Variants in ADAMTS12 observed in about 807,000 individuals in gnomAD.
ADAMTS12 encodes the protein ADAM metallopeptidase with thrombospondin type 1 motif 12, also known as A disintegrin and metalloproteinase with thrombospondin motifs 12.
Under a neutral mutation model 167.8 loss-of-function variants are expected in ADAMTS12, and 118 were observed. The ratio of observed to expected loss-of-function variants is 0.70; its 90% CI spans 0.61 to 0.82. The LOEUF (loss-of-function observed/expected upper bound fraction) is 0.82. ADAMTS12 is among the 40% of genes least tolerant of loss of function. ADAMTS12 has a pLI of 0.00. For synonymous variants in ADAMTS12, 704 were observed against 716.9 expected (o/e 0.98, Z 0.29); for missense variants, 1,916 against 1,998.8 (o/e 0.96, Z 0.79).
intron 2 of ADAMTS12, among the ~76,000 whole-genome samples, chr5:33,780,348 G>T (rs1746080562): frequency 6.7e-6 from 1 of 149,004 alleles, no homozygotes; most frequent in South Asian, 2.1e-4. Flanking sequence ...AGTCATGAAA[G>T]ACTTTTTTTT....
chr5:33,781,349 T>C (rs1328854801), intron 2 of ADAMTS12, among the ~76,000 whole-genome samples: 19 of 152,150 alleles, frequency 1.2e-4, no homozygotes, highest in Admixed American at 1.2e-3. Flanking sequence ...TCTAACTTAG[T>C]CCTTCTCACA....
intron 18 of ADAMTS12, among the ~76,000 whole-genome samples, chr5:33,586,124 C>T (rs185883526): frequency 1.5e-4 from 23 of 152,270 alleles, no homozygotes; most frequent in Middle Eastern, 3.4e-3. Context: ...CAAATGATGG[C>T]TGGAGCACTA....
chr5:33,878,141 A>C (rs904174819), intron 2 of ADAMTS12, among the ~76,000 whole-genome samples: 2 of 152,218 alleles, frequency 1.3e-5, no homozygotes, highest in Non-Finnish European at 2.9e-5. Context: ...GAAGTCAGGT[A>C]CAAGTCCAAC....
At chr5:33,564,002 T>C (rs756150095) in intron 19 of ADAMTS12, among the ~76,000 whole-genome samples, 4 of 152,260 alleles carry the variant, frequency 2.6e-5, no homozygotes, top group Non-Finnish European at 5.9e-5. Context: ...GGTTTACACC[T>C]ACTTACAGTG....
chr5:33,559,518 C>A (rs1017201254), intron 20 of ADAMTS12, among the ~76,000 whole-genome samples: 8 of 152,186 alleles, frequency 5.3e-5, no homozygotes, highest in African/African-American at 1.9e-4. Flanking sequence ...TCACAAGGAA[C>A]TATGGAGACA....
intron 2 of ADAMTS12, among the ~76,000 whole-genome samples, chr5:33,764,248 C>A (rs1745455141): frequency 1.3e-5 from 2 of 152,182 alleles, no homozygotes. Flanking sequence ...CCCTTTATGG[C>A]ATGATGAAAA....
At chr5:33,709,771 G>T (rs1743328586) in intron 3 of ADAMTS12, among the ~76,000 whole-genome samples, 1 of 152,062 alleles carries the variant, frequency 6.6e-6, no homozygotes, top group African/African-American at 2.4e-5. Context: ...TTAATACCTA[G>T]GTGATGGGTT....
chr5:33,556,309 C>T (rs1404514640), intron 20 of ADAMTS12, among the ~76,000 whole-genome samples: 1 of 152,282 alleles, frequency 6.6e-6, no homozygotes, highest in East Asian at 1.9e-4. Flanking sequence ...TTCAATACTG[C>T]ATAATTGCAT....
At chr5:33,821,854 G>A (rs1163719207) in intron 2 of ADAMTS12, among the ~76,000 whole-genome samples, 1 of 151,996 alleles carries the variant, frequency 6.6e-6, no homozygotes, top group African/African-American at 2.4e-5. Flanking sequence ...GTATAATAAT[G>A]TTTCTCTGCC....
At chr5:33,786,223 T>C (rs1483768407) in intron 2 of ADAMTS12, among the ~76,000 whole-genome samples, 4 of 152,212 alleles carry the variant, frequency 2.6e-5, no homozygotes, top group African/African-American at 9.6e-5. Flanking sequence ...TTTAAAAGTG[T>C]ATTGTGATGA....
intron 2 of ADAMTS12, among the ~76,000 whole-genome samples, chr5:33,865,035 T>A (rs766059504): frequency 6.6e-6 from 1 of 151,970 alleles, no homozygotes; most frequent in Non-Finnish European, 1.5e-5. Flanking sequence ...CTTAATTCTA[T>A]AAGACATTCA....
chr5:33,592,416 T>C (rs1747690595), intron 17 of ADAMTS12, among the ~76,000 whole-genome samples: 1 of 152,204 alleles, frequency 6.6e-6, no homozygotes, highest in African/African-American at 2.4e-5. Context: ...TGTCAGAGGT[T>C]TATTGAGTAC....
intron 3 of ADAMTS12, among the ~76,000 whole-genome samples, chr5:33,687,984 C>G (rs1187618866): frequency 6.6e-6 from 1 of 152,154 alleles, no homozygotes; most frequent in Non-Finnish European, 1.5e-5. Context: ...GGCCACACCT[C>G]AACCTGAGTA....
chr5:33,779,684 T>C (rs1313219072), intron 2 of ADAMTS12, among the ~76,000 whole-genome samples: 1 of 152,190 alleles, frequency 6.6e-6, no homozygotes, highest in Non-Finnish European at 1.5e-5. Flanking sequence ...TGGATGAACC[T>C]GAAGGACATT....
rs149854315 is a variant in ADAMTS12 at position 33,751,875 on chromosome 5, C to A, written c.490-327G>T. ...AACCCATTGCTGGATATCTATGGAT[C>A]CCAAATGAAGACCCAGTGCTTCCCA... On this transcript the variant is annotated intron_variant, in intron 2 of 23. Transcript: ENST00000504830. Among the ~76,000 whole-genome samples the A allele has an allele frequency of 7.9e-4, 120 of 152,292 alleles. No homozygotes were observed. In the East Asian group the frequency reaches 0.019, roughly 24 times the overall value.
chr5:33,565,326 AT>A (rs1242111479), intron 19 of ADAMTS12, among the ~76,000 whole-genome samples: 3 of 151,696 alleles, frequency 2.0e-5, no homozygotes, highest in African/African-American at 7.3e-5. Context: ...TAATTTTTAT[AT>A]TTTTTTTGTA....
chr5:33,607,604 A>G (rs965250677), intron 16 of ADAMTS12, among the ~76,000 whole-genome samples: 1 of 152,120 alleles, frequency 6.6e-6, no homozygotes, highest in Non-Finnish European at 1.5e-5. Flanking sequence ...TTTGGGCTGT[A>G]TGGCCGTTTT....
At chr5:33,599,746 C>T (rs543567131) in intron 16 of ADAMTS12, among the ~76,000 whole-genome samples, 2 of 152,280 alleles carry the variant, frequency 1.3e-5, no homozygotes, top group South Asian at 4.1e-4. Flanking sequence ...AAATCCTAAA[C>T]TATTCATCTT....
chr5:33,792,329 A>G (rs191315581), intron 2 of ADAMTS12, among the ~76,000 whole-genome samples: 16 of 152,274 alleles, frequency 1.1e-4, no homozygotes, highest in African/African-American at 3.4e-4. Flanking sequence ...GATTGGTAGC[A>G]AAGGGACCCC....
Sources: gnomAD v4.1 joint callset for allele counts (sites outside exome capture counted in the v4.1 genomes callset) on GRCh38, gnomAD v4.1.1 for gene constraint, MANE v1.5 for transcripts, NCBI Gene and HGNC (gene_info 2026-07-23, HGNC 2026-07-21) for gene names.